The following ANXA4 variants were observed in gnomAD, a reference collection of about 807,000 sequenced individuals.
ANXA4 encodes the protein 35-beta calcimedin.
A neutral mutation model predicts 49.8 loss-of-function variants in ANXA4; 39 were observed. That is an observed-to-expected ratio of 0.78 (90% CI 0.61 to 1.02). The LOEUF is 1.02. ANXA4 is among the 50% of genes least tolerant of loss of function. The pLI is 0.00. For synonymous variants in ANXA4, 134 were observed against 152.5 expected, an observed-to-expected ratio of 0.88 and a Z score of 0.89; for missense variants, 360 against 410.1, an observed-to-expected ratio of 0.88 and a Z score of 1.05.
At chr2:69,722,703 A>G (rs1200009445) in intron 3 of ANXA4, among the ~76,000 whole-genome samples, 1 of 152,140 alleles carries the variant, frequency 6.6e-6, no homozygotes, top group African/African-American at 2.4e-5. Flanking sequence ...TGATAGTTGC[A>G]CAACATCGTG....
chr2:69,697,163 C>T (rs7558821), intron 2 of ANXA4, among the ~76,000 whole-genome samples: 4,489 of 152,264 alleles, frequency 0.029, 225 homozygotes, highest in African/African-American at 0.1. Context: ...TCAGTGTAGC[C>T]ACCTTCATCT....
At chr2:69,822,857 A>G (rs1674302623) in intron 12 of ANXA4, among the ~76,000 whole-genome samples, 1 of 152,142 alleles carries the variant, frequency 6.6e-6, no homozygotes, top group Non-Finnish European at 1.5e-5. Context: ...ATGGTTACAT[A>G]ACATTGTAAA....
chr2:69,748,833 C>T (rs1670728754), intron 1 of ANXA4, among the ~76,000 whole-genome samples: 1 of 151,902 alleles, frequency 6.6e-6, no homozygotes, highest in Non-Finnish European at 1.5e-5. Context: ...ATCTCAGCCT[C>T]CTGGGTAGCT....
At chr2:69,806,528 G>A in intron 5 of ANXA4, 30 bp downstream of exon 5, 1 of 1,568,280 alleles carries the variant, frequency 6.4e-7, no homozygotes, top group East Asian at 2.2e-5. Flanking sequence ...TGCTCTTGGT[G>A]CTGTTGGTGC....
chr2:69,806,364 A>G, intron 4 of ANXA4, 21 bp from the exon 5 acceptor site: 1 of 1,565,658 alleles, frequency 6.4e-7, no homozygotes, highest in Non-Finnish European at 8.8e-7. Context: ...AGTTAAGCGG[A>G]GCTACTTTCT....
At chr2:69,658,824 A>G (rs550059851) in intron 2 of ANXA4, among the ~76,000 whole-genome samples, 1 of 152,214 alleles carries the variant, frequency 6.6e-6, no homozygotes, top group African/African-American at 2.4e-5. Flanking sequence ...CCTCCTGAGT[A>G]GCTGGGATTA....
At position 69,750,453 on chromosome 2, in the gene ANXA4, C is replaced by T. The variant is rs114637047; in HGVS notation, c.-47+8278C>T. On this transcript the variant is annotated intron_variant, in intron 1 of 12. Coordinates refer to ENST00000394295, the MANE Select transcript of ANXA4 (RefSeq NM_001153.5). ...TCTAAGACAGGGTCTCACTCTGTCA[C>T]CCTGGCTGGAGTGCAGTGGCACAAC... Among the ~76,000 whole-genome samples the T allele has an allele frequency of 9.1e-3, 1,385 of 152,310 alleles. 10 individuals are homozygous for T. The highest frequency in any genetic ancestry group is 0.017 in the Middle Eastern group (5 of 294).
At chr2:69,761,434 A>G (rs1164833805) in intron 1 of ANXA4, among the ~76,000 whole-genome samples, 1 of 152,244 alleles carries the variant, frequency 6.6e-6, no homozygotes, top group Non-Finnish European at 1.5e-5. Flanking sequence ...TTGCATCCAC[A>G]TGGAAAAAAC....
intron 2 of ANXA4, among the ~76,000 whole-genome samples, chr2:69,704,025 A>AT (rs1262463266): frequency 2.0e-5 from 3 of 151,744 alleles, no homozygotes; most frequent in Non-Finnish European, 4.4e-5. Flanking sequence ...TTCTGTTGAG[A>AT]TTTTCTTCTT....
chr2:69,644,168 C>A (rs185390552), upstream of ANXA4, among the ~76,000 whole-genome samples: 2 of 12,474 alleles, frequency 1.6e-4, no homozygotes, highest in Admixed American at 5.5e-4. Context: ...ACTAAGTTCC[C>A]CCCCCCCCCC....
chr2:69,760,323 A>C (rs894614296), intron 1 of ANXA4, among the ~76,000 whole-genome samples: 4 of 152,246 alleles, frequency 2.6e-5, no homozygotes, highest in African/African-American at 7.2e-5. Context: ...CATATGGTTT[A>C]AAAATCTAAA....
chr2:69,719,713 A>G (rs1427494416), intron 2 of ANXA4, among the ~76,000 whole-genome samples: 1 of 152,178 alleles, frequency 6.6e-6, no homozygotes, highest in Non-Finnish European at 1.5e-5. Flanking sequence ...TGCTGGGATT[A>G]CAGGCATGAG....
chr2:69,820,950 T>G, intron 12 of ANXA4, 129 bp downstream of exon 12: 6 of 1,038,744 alleles, frequency 5.8e-6, no homozygotes, highest in Non-Finnish European at 8.0e-6. Context: ...GCTCCCGATA[T>G]TTCCAGTCTC....
chr2:69,679,855 C>T (rs1320288181), intron 2 of ANXA4, among the ~76,000 whole-genome samples: 2 of 152,124 alleles, frequency 1.3e-5, no homozygotes, highest in East Asian at 1.9e-4. Context: ...GTTCTGTGGT[C>T]TATGTGTCTG....
intron 12 of ANXA4, among the ~76,000 whole-genome samples, chr2:69,822,720 T>C (rs1210846844): frequency 6.6e-6 from 1 of 152,116 alleles, no homozygotes; most frequent in Non-Finnish European, 1.5e-5. Context: ...GGTAGATTCA[T>C]AGGGACAGAA....
intron 2 of ANXA4, among the ~76,000 whole-genome samples, chr2:69,677,020 G>A (rs1444834081): frequency 6.6e-6 from 1 of 150,864 alleles, no homozygotes; most frequent in Non-Finnish European, 1.5e-5. Context: ...TCACTATATC[G>A]CCCAGGCTGG....
chr2:69,691,895 G>A lies in ANXA4; in HGVS notation n.767-28879G>A, dbSNP rs138670297. Among the ~76,000 whole-genome samples, 926 of 152,164 alleles carry A rather than the reference G, an allele frequency of 6.1e-3. 22 individuals are homozygous for A. The highest frequency in any genetic ancestry group is 9.8e-3 in the Admixed American group (149 of 15,274). Reference sequence around the variant, plus strand: ...CAGGTTTTTTGTTTTTTGTGTGTTTGTTTGTTTTGAGACTGAGTCTCACTC... The same window carrying A: ...CAGGTTTTTTGTTTTTTGTGTGTTTATTTGTTTTGAGACTGAGTCTCACTC... On this transcript the variant is annotated intron_variant and non_coding_transcript_variant, in intron 2 of 3. Transcript: ENST00000418066.
At chr2:69,649,561 ATATTCTCTTG>A (rs1030173591) in intron 1 of ANXA4, among the ~76,000 whole-genome samples, 2 of 147,172 alleles carry the variant, frequency 1.4e-5, no homozygotes, top group Admixed American at 1.3e-4. Context: ...ATTAGAATGA[ATATTCTCTTG>A]TATTCTCTTG....
At chr2:69,647,541 G>T (rs4538229) in intron 1 of ANXA4, among the ~76,000 whole-genome samples, 10,820 of 151,308 alleles carry the variant, frequency 0.072, 1,131 homozygotes, top group East Asian at 0.37. Context: ...CCCGAGTAGC[G>T]GGGACTACAG....
Sources: allele counts gnomAD v4.1 joint callset (sites outside exome capture counted in the v4.1 genomes callset), GRCh38; gene constraint gnomAD v4.1.1; transcripts MANE v1.5; gene names NCBI Gene and HGNC (gene_info 2026-07-23, HGNC 2026-07-21).